Variants in ANXA13 observed in about 807,000 individuals in gnomAD.
The protein encoded by ANXA13 is annexin XIII.
A neutral mutation model predicts 46.6 loss-of-function variants in ANXA13; 36 were observed. That is an observed-to-expected ratio of 0.77 (90% CI 0.59 to 1.02). The LOEUF (loss-of-function observed/expected upper bound fraction) is 1.02. Among genes scored for constraint, ANXA13 ranks in the 50% least tolerant of loss-of-function variants. ANXA13 has a pLI of 0.00. For synonymous variants in ANXA13, 163 were observed against 152.9 expected, an observed-to-expected ratio of 1.07 and a Z score of -0.49; for missense variants, 417 against 396.5, an observed-to-expected ratio of 1.05 and a Z score of -0.44.
intron 8 of ANXA13, among the ~76,000 whole-genome samples, chr8:123,691,508 C>T (rs1032517995): frequency 6.6e-5 from 10 of 152,288 alleles, no homozygotes; most frequent in South Asian, 2.1e-4. Context: ...GTTCATTGAA[C>T]GCCTACTGCA....
intron 1 of ANXA13, among the ~76,000 whole-genome samples, chr8:123,729,927 G>C (rs888602884): frequency 6.6e-6 from 1 of 152,156 alleles, no homozygotes; most frequent in Non-Finnish European, 1.5e-5. Context: ...AATTCAATCT[G>C]TCACTGCCTT....
In ANXA13 at chr8:123,688,928, C is replaced by G. The variant is rs1439831615; in HGVS notation, c.661G>C (p.Glu221Gln). The G allele has an allele frequency of 1.2e-6, 2 of 1,613,850 alleles. No homozygotes were observed. Among genetic ancestry groups the G allele is most frequent in the Non-Finnish European group, 1.7e-6 (2 of 1,179,820 alleles). The change falls in exon 9 of 11, where the codon GAA becomes CAA. Residue 221 changes from glutamate to glutamine, a missense_variant. Transcript: ENST00000419625. ...AYQILIGKDI[E>Q]EAIEEETSGD... ...GATGTTTCTTCTTCAATGGCTTCTT[C>G]TATGTCTTTGCCAATGAGCTGCAGC...
intron 1 of ANXA13, among the ~76,000 whole-genome samples, chr8:123,726,120 G>T (rs1162040086): frequency 6.6e-6 from 1 of 152,226 alleles, no homozygotes; most frequent in Non-Finnish European, 1.5e-5. Context: ...GCTTGCATAT[G>T]TTGACTGTAT....
intron 1 of ANXA13, among the ~76,000 whole-genome samples, chr8:123,736,868 G>A (rs1814278965): frequency 1.1e-5 from 1 of 92,142 alleles, no homozygotes; most frequent in African/African-American, 5.2e-5. Context: ...TTTTTTTTGG[G>A]ACGGAGTTTC....
In ANXA13 at chr8:123,724,511, T is replaced by C. The variant is rs536843800; in HGVS notation, c.16-11758A>G. Among the ~76,000 whole-genome samples, 10 of 152,324 alleles carry C rather than the reference T, an allele frequency of 6.6e-5. No homozygotes were observed. The South Asian group carries it at 1.9e-3, about 28-fold the overall frequency. Reference sequence around the variant, plus strand: ...TGAGAAAAATTAGAAACTTCCGCTGTTGATATCCCGGTAAAGGAGGAAGAC... The same window carrying C: ...TGAGAAAAATTAGAAACTTCCGCTGCTGATATCCCGGTAAAGGAGGAAGAC... On this transcript the variant is annotated intron_variant, in intron 1 of 10. Transcript: ENST00000419625.
At position 123,688,897 on chromosome 8, in the gene ANXA13, T is replaced by C. The variant is rs1563605139; in HGVS notation, c.692A>G (p.Asp231Gly). ...GAGAGTTAAATAGGCCTTCTGCAAG[T>C]CGCCTGATGTTTCTTCTTCAATGGC... ...EEAIEEETSG[D>G]LQKAYLTLVR... The change falls in exon 9 of 11, where the codon GAC becomes GGC. Residue 231 changes from aspartate to glycine, a missense_variant. Physicochemically the swap from Asp to Gly is moderately conservative, Grantham distance 94. Transcript: ENST00000419625. 6.2e-7 allele frequency: 1 copy of C among 1,613,962 alleles called. No individual in the cohort carries two copies. Among genetic ancestry groups the C allele is most frequent in the Non-Finnish European group, 8.5e-7 (1 of 1,179,882 alleles).
intron 3 of ANXA13, among the ~76,000 whole-genome samples, chr8:123,699,269 T>G (rs933006936): frequency 6.6e-6 from 1 of 152,192 alleles, no homozygotes; most frequent in Non-Finnish European, 1.5e-5. Flanking sequence ...AGCCTCGACC[T>G]CCTGGGCTCA....
chr8:123,727,322 G>C lies in ANXA13; in HGVS notation c.15+9998C>G, dbSNP rs539128227. 3.9e-5 allele frequency among the ~76,000 whole-genome samples: 6 copies of C among 152,344 alleles called. No homozygotes were observed. The South Asian group carries it at 1.2e-3, about 32-fold the overall frequency. On this transcript the variant is annotated intron_variant, in intron 1 of 10. Coordinates refer to ENST00000419625, the MANE Select transcript of ANXA13 (RefSeq NM_004306.4). Reference sequence around the variant, plus strand: ...GGATAAGGGTCAATCTTCAGGAGAAGCTGACTTTTCTCTGTTATAAGAGAA... The same window carrying C: ...GGATAAGGGTCAATCTTCAGGAGAACCTGACTTTTCTCTGTTATAAGAGAA...
chr8:123,697,098 C>T (rs1002473480), intron 4 of ANXA13, among the ~76,000 whole-genome samples: 4 of 152,062 alleles, frequency 2.6e-5, no homozygotes, highest in Middle Eastern at 3.2e-3. Context: ...TTAGTAGAGA[C>T]GGGGTTTCAT....
At chr8:123,706,701 T>C (rs1813547104) in intron 2 of ANXA13, among the ~76,000 whole-genome samples, 1 of 152,232 alleles carries the variant, frequency 6.6e-6, no homozygotes, top group African/African-American at 2.4e-5. Flanking sequence ...ATTGGCCTGC[T>C]CACCCCTCTG....
At chr8:123,695,963 C>T (rs1322471269) in intron 4 of ANXA13, among the ~76,000 whole-genome samples, 2 of 146,822 alleles carry the variant, frequency 1.4e-5, no homozygotes, top group Non-Finnish European at 3.0e-5. Context: ...GTGACAAATG[C>T]ATGCATTCTC....
intron 1 of ANXA13, among the ~76,000 whole-genome samples, chr8:123,734,085 T>C (rs1814193943): frequency 6.6e-6 from 1 of 152,240 alleles, no homozygotes; most frequent in African/African-American, 2.4e-5. Flanking sequence ...GCTGTAGTCC[T>C]TTCTATTGCC....
chr8:123,736,676 G>A (rs76489238), intron 1 of ANXA13, among the ~76,000 whole-genome samples: 32,513 of 152,060 alleles, frequency 0.21, 4,475 homozygotes, highest in East Asian at 0.64. Context: ...AGTTTATGAA[G>A]TTTTATACAA....
chr8:123,706,804 C>T (rs1813548759), intron 2 of ANXA13, among the ~76,000 whole-genome samples: 1 of 152,238 alleles, frequency 6.6e-6, no homozygotes, highest in African/African-American at 2.4e-5. Flanking sequence ...CTCAAAGTCT[C>T]ATCCTCCTAC....
At chr8:123,681,804 T>C (rs996979233) in intron 10 of ANXA13, among the ~76,000 whole-genome samples, 1 of 151,976 alleles carries the variant, frequency 6.6e-6, no homozygotes, top group Admixed American at 6.6e-5. Context: ...TCTGTATTTT[T>C]AGTAGAGACG....
intron 1 of ANXA13, among the ~76,000 whole-genome samples, chr8:123,729,602 A>G (rs1428203821): frequency 6.6e-6 from 1 of 152,116 alleles, no homozygotes; most frequent in African/African-American, 2.4e-5. Flanking sequence ...AGAGATCATT[A>G]ACTTGAACAC....
intron 2 of ANXA13, among the ~76,000 whole-genome samples, chr8:123,708,797 G>C (rs529755949): frequency 1.3e-4 from 20 of 152,296 alleles, no homozygotes; most frequent in African/African-American, 4.8e-4. Context: ...CCCCGGGGCA[G>C]TGTCTGTTCC....
chr8:123,711,619 C>CT (rs3054145), intron 2 of ANXA13: 68,042 of 142,800 alleles, frequency 0.48, 16,451 homozygotes, highest in South Asian at 0.61. Flanking sequence ...GTTCTTTTTT[C>CT]TTTTTTTTTT....
intron 1 of ANXA13, among the ~76,000 whole-genome samples, chr8:123,733,206 T>TTAAA (rs10692483): frequency 0.55 from 83,048 of 151,352 alleles, 23,003 homozygotes; most frequent in East Asian, 0.73. Context: ...TAAGATGATC[T>TTAAA]TAAATAAATA....
Sources: allele counts gnomAD v4.1 joint callset (sites outside exome capture counted in the v4.1 genomes callset), GRCh38; gene constraint gnomAD v4.1.1; transcripts MANE v1.5; gene names NCBI Gene and HGNC (gene_info 2026-07-23, HGNC 2026-07-21).